Variants in WDPCP observed in about 807,000 individuals in gnomAD.
WDPCP encodes WD repeat-containing and planar cell polarity effector protein fritz homolog.
In WDPCP, 71 loss-of-function variants were observed where a neutral mutation model predicts 93.1. The ratio of observed to expected loss-of-function variants is 0.76; its 90% confidence interval spans 0.63 to 0.93. WDPCP has a LOEUF of 0.93. Among genes scored for constraint, WDPCP ranks in the 40% least tolerant of loss-of-function variants. The pLI is 0.00. For synonymous variants in WDPCP, 315 were observed against 315.0 expected (o/e 1.00, Z 0.00); for missense variants, 844 against 887.4 (o/e 0.95, Z 0.62).
intron 3 of WDPCP, among the ~76,000 whole-genome samples, chr2:63,625,731 AG>A (rs1345777201): frequency 2.6e-4 from 39 of 152,368 alleles, no homozygotes; most frequent in African/African-American, 9.1e-4. Context: ...ATGGATGGGA[AG>A]AATCAATATC....
chr2:63,457,498 C>CA (rs1698703227), intron 6 of WDPCP, among the ~76,000 whole-genome samples: 1 of 152,058 alleles, frequency 6.6e-6, no homozygotes, highest in Non-Finnish European at 1.5e-5. Context: ...AAGGATACAA[C>CA]AAAAAAGTAA....
At chr2:63,654,650 C>G (rs1190930538) in intron 2 of WDPCP, among the ~76,000 whole-genome samples, 1 of 152,068 alleles carries the variant, frequency 6.6e-6, no homozygotes, top group Non-Finnish European at 1.5e-5. Flanking sequence ...CCAGGACCCC[C>G]CAGGGATAGC....
Position 63,433,821 on chromosome 2 carries a change from C to A in WDPCP, c.749G>T (p.Trp250Leu), listed in dbSNP as rs982994460. The A allele has an allele frequency of 6.2e-7, 1 of 1,613,890 alleles. No homozygotes were observed. The highest frequency in any genetic ancestry group is 1.7e-5 in the Admixed American group (1 of 59,986). ...CTCAGAAGAAATGGGGGCCCAAGGC[C>A]AAGCATCATCGTTGACCAGTGGCCA... ...CWWPLVNDDA[W>L]PWAPISSEKD... The change falls in exon 9 of 18, where the codon TGG becomes TTG. Residue 250 changes from tryptophan (W) to leucine (L), a missense_variant. Coordinates refer to ENST00000272321, the MANE Select transcript of WDPCP (RefSeq NM_015910.7).
chr2:63,198,129 G>A (rs1675599095), intron 14 of WDPCP, among the ~76,000 whole-genome samples: 1 of 152,056 alleles, frequency 6.6e-6, no homozygotes, highest in African/African-American at 2.4e-5. Flanking sequence ...TATGGTGTGA[G>A]GAGTGAATCC....
At chr2:63,583,002 C>A (rs1380038737) in intron 1 of WDPCP, among the ~76,000 whole-genome samples, 2 of 151,972 alleles carry the variant, frequency 1.3e-5, no homozygotes, top group Non-Finnish European at 2.9e-5. Context: ...AAATAGTAAC[C>A]ATATTGATGA....
chr2:63,458,096 C>A (rs1698755910), intron 6 of WDPCP, among the ~76,000 whole-genome samples: 1 of 150,660 alleles, frequency 6.6e-6, no homozygotes, highest in Non-Finnish European at 1.5e-5. Flanking sequence ...CACACTCCAG[C>A]CTGGCGACAG....
At chr2:63,513,321 A>C (rs1702354593) in intron 1 of WDPCP, among the ~76,000 whole-genome samples, 1 of 152,174 alleles carries the variant, frequency 6.6e-6, no homozygotes, top group Non-Finnish European at 1.5e-5. Flanking sequence ...ATATTGATTA[A>C]CCAAAAATGG....
At chr2:63,836,728 C>T in the WDPCP span, among the ~76,000 whole-genome samples, 2 of 152,240 alleles carry the variant, frequency 1.3e-5, no homozygotes, top group South Asian at 4.1e-4. Flanking sequence ...ATACAACAAC[C>T]TCATGGGTGT....
At chr2:63,588,130 G>A (rs1709000061) in intron 1 of WDPCP, 67 bp downstream of exon 1, 7 of 1,527,018 alleles carry the variant, frequency 4.6e-6, no homozygotes, top group African/African-American at 2.8e-5. Flanking sequence ...AAAGCGGGAC[G>A]GCGCACCAAC....
At chr2:63,470,645 A>G (rs1180023044) in intron 6 of WDPCP, among the ~76,000 whole-genome samples, 1 of 152,182 alleles carries the variant, frequency 6.6e-6, no homozygotes, top group Non-Finnish European at 1.5e-5. Flanking sequence ...ATTCCCATCA[A>G]TAGCTACAGT....
intron 2 of WDPCP, among the ~76,000 whole-genome samples, chr2:63,800,251 C>A (rs1172339041): frequency 6.6e-6 from 1 of 152,024 alleles, no homozygotes; most frequent in Non-Finnish European, 1.5e-5. Context: ...CACTGAGAAA[C>A]TTTTGAGTTC....
intron 6 of WDPCP, among the ~76,000 whole-genome samples, chr2:63,446,711 G>A (rs1042310279): frequency 1.3e-5 from 2 of 152,186 alleles, no homozygotes; most frequent in African/African-American, 4.8e-5. Context: ...ACCATGTTCA[G>A]GGCTATCACT....
chr2:63,709,122 AC>A (rs1669221270), intron 2 of WDPCP, among the ~76,000 whole-genome samples: 1 of 73,744 alleles, frequency 1.4e-5, no homozygotes, highest in Non-Finnish European at 3.0e-5. Context: ...AATCCCAGAT[AC>A]TAGGTAGGCT....
intron 6 of WDPCP, among the ~76,000 whole-genome samples, chr2:63,476,093 C>G (rs143333618): frequency 6.6e-6 from 1 of 152,222 alleles, no homozygotes; most frequent in East Asian, 1.9e-4. Flanking sequence ...ACCTTAAGCT[C>G]ACTGTACTTA....
At chr2:63,746,053 G>A (rs1309814159) in intron 2 of WDPCP, among the ~76,000 whole-genome samples, 1 of 152,124 alleles carries the variant, frequency 6.6e-6, no homozygotes, top group Non-Finnish European at 1.5e-5. Context: ...TTTGTGAAAT[G>A]TGTTGTGGGA....
chr2:63,186,522 A>T (rs1674651055), intron 14 of WDPCP, among the ~76,000 whole-genome samples: 1 of 152,254 alleles, frequency 6.6e-6, no homozygotes, highest in Admixed American at 6.5e-5. Context: ...AGCATTTCCC[A>T]GCATTTTTCT....
At chr2:63,672,313 T>G (rs1282528599) in intron 2 of WDPCP, among the ~76,000 whole-genome samples, 2 of 152,234 alleles carry the variant, frequency 1.3e-5, no homozygotes, top group African/African-American at 4.8e-5. Flanking sequence ...CTGAGTTTAC[T>G]CTAAGGCTAT....
At chr2:63,559,545 G>A (rs1182494994) in intron 1 of WDPCP, among the ~76,000 whole-genome samples, 3 of 152,102 alleles carry the variant, frequency 2.0e-5, no homozygotes, top group Non-Finnish European at 4.4e-5. Flanking sequence ...GCCCAAAAGT[G>A]TCTTAGGCTG....
chr2:63,625,054 A>G (rs1709795744), intron 3 of WDPCP, among the ~76,000 whole-genome samples: 2 of 152,246 alleles, frequency 1.3e-5, no homozygotes, highest in Admixed American at 1.3e-4. Flanking sequence ...AATCCATCAC[A>G]TAAACAGAAC....
Sources: allele counts gnomAD v4.1 joint callset (sites outside exome capture counted in the v4.1 genomes callset), GRCh38; gene constraint gnomAD v4.1.1; transcripts MANE v1.5; gene names NCBI Gene and HGNC (gene_info 2026-07-23, HGNC 2026-07-21).